NAALADL2: variants seen among roughly 807,000 people sequenced by gnomAD.
The protein encoded by NAALADL2 is inactive N-acetylated-alpha-linked acidic dipeptidase-like protein 2.
Under a neutral mutation model 87.2 loss-of-function variants are expected in NAALADL2, and 76 were observed. The observed-to-expected ratio is 0.87, with a 90% CI of 0.72 to 1.05. The LOEUF (loss-of-function observed/expected upper bound fraction) is 1.05, where lower values mean the gene tolerates loss of function less well. Among genes scored for constraint, NAALADL2 ranks in the 50% least tolerant of loss-of-function variants. NAALADL2 has a pLI of 0.00. For synonymous variants in NAALADL2, 354 were observed against 331.0 expected (o/e 1.07, Z -0.75); for missense variants, 1,089 against 945.8 (o/e 1.15, Z -1.99).
intron 1 of NAALADL2, among the ~76,000 whole-genome samples, chr3:174,955,933 A>C (rs1352494606): frequency 6.6e-6 from 1 of 152,072 alleles, no homozygotes. Flanking sequence ...GATTTGTTCC[A>C]GTTATTCCGG....
chr3:175,034,466 T>C (rs1372581416), intron 1 of NAALADL2, among the ~76,000 whole-genome samples: 2 of 152,132 alleles, frequency 1.3e-5, no homozygotes, highest in Non-Finnish European at 2.9e-5. Context: ...AAATTAGAAC[T>C]GTTTCCTTGT....
intron 5 of NAALADL2, among the ~76,000 whole-genome samples, chr3:175,425,261 C>G (rs1417958523): frequency 6.6e-6 from 1 of 152,038 alleles, no homozygotes; most frequent in East Asian, 1.9e-4. Flanking sequence ...GTAGGACATA[C>G]AAATAGAGGT....
At chr3:174,531,558 G>T (rs764673126) in intron 1 of NAALADL2, among the ~76,000 whole-genome samples, 2 of 152,066 alleles carry the variant, frequency 1.3e-5, no homozygotes, top group East Asian at 1.9e-4. Flanking sequence ...GAGGATTTTC[G>T]AACTTTCTAT....
At chr3:175,113,551 A>G (rs528504415) in intron 2 of NAALADL2, among the ~76,000 whole-genome samples, 39 of 151,672 alleles carry the variant, frequency 2.6e-4, no homozygotes, top group South Asian at 6.2e-4. Flanking sequence ...AGCTTGCCAT[A>G]GTTTCTTGGA....
chr3:174,524,740 A>G (rs1189843342), intron 1 of NAALADL2, among the ~76,000 whole-genome samples: 7 of 150,660 alleles, frequency 4.6e-5, no homozygotes, highest in Admixed American at 4.6e-4. Context: ...AGAAGAAAAC[A>G]TTTGTCGAGG....
intron 2 of NAALADL2, among the ~76,000 whole-genome samples, chr3:175,211,609 G>A (rs1376295013): frequency 6.6e-6 from 1 of 151,798 alleles, no homozygotes; most frequent in Non-Finnish European, 1.5e-5. Flanking sequence ...TATTTATATA[G>A]TGTCATCTAT....
chr3:174,992,932 T>C (rs759421713), intron 1 of NAALADL2, among the ~76,000 whole-genome samples: 1 of 152,104 alleles, frequency 6.6e-6, no homozygotes, highest in Non-Finnish European at 1.5e-5. Context: ...TTCTATCTTA[T>C]TTTGTTGACT....
At chr3:174,622,290 T>A (rs1460705047) in intron 2 of NAALADL2, among the ~76,000 whole-genome samples, 1 of 152,198 alleles carries the variant, frequency 6.6e-6, no homozygotes, top group Non-Finnish European at 1.5e-5. Context: ...GTATTATTCA[T>A]TTAATATGAA....
At chr3:174,925,807 T>C (rs1176722413) in intron 1 of NAALADL2, among the ~76,000 whole-genome samples, 1 of 152,118 alleles carries the variant, frequency 6.6e-6, no homozygotes, top group East Asian at 1.9e-4. Context: ...GTAAGTTGGA[T>C]TCCTAGGTAT....
chr3:175,580,832 TG>T (rs1719658455), intron 10 of NAALADL2, among the ~76,000 whole-genome samples: 1 of 152,122 alleles, frequency 6.6e-6, no homozygotes, highest in African/African-American at 2.4e-5. Flanking sequence ...CATTTAGTGC[TG>T]GGGTTCTCAC....
At chr3:174,716,290 G>C (rs1294896250) in intron 2 of NAALADL2, among the ~76,000 whole-genome samples, 1 of 152,058 alleles carries the variant, frequency 6.6e-6, no homozygotes, top group Admixed American at 6.6e-5. Context: ...AGATATGCAT[G>C]TATCTAAGGA....
intron 1 of NAALADL2, among the ~76,000 whole-genome samples, chr3:174,999,565 T>C (rs2108755358): frequency 6.6e-6 from 1 of 152,302 alleles, no homozygotes; most frequent in African/African-American, 2.4e-5. Flanking sequence ...TCCACATTAT[T>C]CTCTGATATT....
chr3:175,663,253 A>G (rs962899428), intron 11 of NAALADL2, among the ~76,000 whole-genome samples: 1 of 151,194 alleles, frequency 6.6e-6, no homozygotes, highest in Non-Finnish European at 1.5e-5. Context: ...CAAGTTTTCT[A>G]TTTCTTTATG....
At chr3:175,367,688 T>G (rs1438770829) in intron 5 of NAALADL2, among the ~76,000 whole-genome samples, 1 of 152,242 alleles carries the variant, frequency 6.6e-6, no homozygotes, top group African/African-American at 2.4e-5. Context: ...ATGCTTGTGA[T>G]TTTTGTACAT....
At chr3:174,994,953 G>C (rs1338006224) in intron 1 of NAALADL2, among the ~76,000 whole-genome samples, 1 of 152,014 alleles carries the variant, frequency 6.6e-6, no homozygotes, top group East Asian at 1.9e-4. Flanking sequence ...AGTTGTTTTT[G>C]TAGTAATGGA....
chr3:174,745,909 A>G (rs1734208347), intron 3 of NAALADL2, among the ~76,000 whole-genome samples: 1 of 152,192 alleles, frequency 6.6e-6, no homozygotes, highest in Non-Finnish European at 1.5e-5. Flanking sequence ...TCAATAAACT[A>G]GATATTGGTG....
chr3:174,766,467 T>C (rs1412013761), intron 3 of NAALADL2, among the ~76,000 whole-genome samples: 1 of 152,162 alleles, frequency 6.6e-6, no homozygotes, highest in African/African-American at 2.4e-5. Flanking sequence ...TGGGTGAAGG[T>C]GTCTGCTGTG....
In NAALADL2 at chr3:175,004,369, A is replaced by G. The variant is rs1168741248; in HGVS notation, c.44-92421A>G. On this transcript the variant is annotated intron_variant, in intron 1 of 13. Coordinates refer to ENST00000454872, the MANE Select transcript of NAALADL2 (RefSeq NM_207015.3). ...ACTCCAGCCTGGGTGACAGAGTGAG[A>G]CTATTTCAAAAAAAAAAAAAAAAAA... 3.8e-5 allele frequency among the ~76,000 whole-genome samples: 5 copies of G among 131,088 alleles called. No homozygotes were observed. The Admixed American group carries it at 4.1e-4, about 11-fold the overall frequency. 86.0% of individuals were successfully genotyped at this position (131,088 alleles called of 152,430 possible).
At chr3:174,542,363 T>C (rs890902400) in intron 1 of NAALADL2, among the ~76,000 whole-genome samples, 4 of 152,166 alleles carry the variant, frequency 2.6e-5, no homozygotes. Flanking sequence ...CTTATGGGCA[T>C]GGACTCTGCT....
Sources: gnomAD v4.1 joint callset for allele counts (sites outside exome capture counted in the v4.1 genomes callset) on GRCh38, gnomAD v4.1.1 for gene constraint, MANE v1.5 for transcripts, NCBI Gene and HGNC (gene_info 2026-07-23, HGNC 2026-07-21) for gene names.